RNF115: variants seen among roughly 807,000 people sequenced by gnomAD.
The protein encoded by RNF115 is ring finger protein 115.
RNF115 carries 31 observed loss-of-function variants against 39.2 expected under a neutral mutation model. The ratio of observed to expected loss-of-function variants is 0.79; its 90% CI spans 0.59 to 1.07. The LOEUF is 1.07. RNF115 is among the 50% of genes least tolerant of loss of function. The pLI is 0.00. For synonymous variants in RNF115, 124 were observed against 131.0 expected (o/e 0.95, Z 0.37); for missense variants, 384 against 381.7 (o/e 1.01, Z -0.05).
chr1:145,805,674 TACC>T (rs1466134839), intron 1 of RNF115, among the ~76,000 whole-genome samples: 11 of 152,162 alleles, frequency 7.2e-5, no homozygotes, highest in African/African-American at 2.4e-4. Flanking sequence ...TGTCAGTGGC[TACC>T]ACATGATCTA....
chr1:145,755,043 C>T (rs1361897961), intron 4 of RNF115, among the ~76,000 whole-genome samples: 9 of 151,946 alleles, frequency 5.9e-5, no homozygotes, highest in African/African-American at 1.7e-4. Context: ...GTCAGGAGTT[C>T]GAGACCAGCC....
At chr1:145,772,486 T>C (rs1280104396) in intron 3 of RNF115, 4 of 152,414 alleles carry the variant, frequency 2.6e-5, no homozygotes, top group African/African-American at 7.2e-5. Context: ...GAAGGATAGT[T>C]TTGCCAGATT....
chr1:145,768,528 C>T (rs1647488002), intron 4 of RNF115, among the ~76,000 whole-genome samples: 1 of 152,194 alleles, frequency 6.6e-6, no homozygotes, highest in African/African-American at 2.4e-5. Context: ...GTTGGCCAGG[C>T]TGATCTGGAA....
At chr1:145,788,474 G>C (rs2101568142) in intron 2 of RNF115, among the ~76,000 whole-genome samples, 1 of 152,278 alleles carries the variant, frequency 6.6e-6, no homozygotes, top group East Asian at 1.9e-4. Context: ...ACCTGATTAG[G>C]TATCTTTGTC....
intron 1 of RNF115, 46 bp downstream of exon 1, chr1:145,823,726 C>T (rs782736713): frequency 4.3e-6 from 6 of 1,390,422 alleles, no homozygotes; most frequent in Non-Finnish European, 5.9e-6. Flanking sequence ...AAATCGGGGC[C>T]AGGAATCTAT....
intron 1 of RNF115, among the ~76,000 whole-genome samples, chr1:145,814,874 T>C (rs1369264501): frequency 6.6e-6 from 1 of 152,220 alleles, no homozygotes; most frequent in Non-Finnish European, 1.5e-5. Flanking sequence ...TGGTAGCACC[T>C]ACATTTTGTA....
At chr1:145,748,177 G>C in intron 7 of RNF115, 67 bp from the exon 8 acceptor site, 1 of 1,062,544 alleles carries the variant, frequency 9.4e-7, no homozygotes, top group South Asian at 1.3e-5. Context: ...CTAACCCAAT[G>C]TCTCTACCAA....
chr1:145,791,942 A>AT (rs748173424), intron 1 of RNF115, among the ~76,000 whole-genome samples: 46 of 151,420 alleles, frequency 3.0e-4, no homozygotes, highest in African/African-American at 7.8e-4. Context: ...TTATTTATTT[A>AT]TTTTTTTGAG....
chr1:145,764,676 C>G (rs868958336), intron 4 of RNF115, among the ~76,000 whole-genome samples: 1 of 152,084 alleles, frequency 6.6e-6, no homozygotes, highest in African/African-American at 2.4e-5. Flanking sequence ...AGGAGCGTCT[C>G]TGCCCAGCAG....
chr1:145,772,459 A>G, intron 3 of RNF115: 1 of 152,434 alleles, frequency 6.6e-6, no homozygotes, highest in East Asian at 1.9e-4. Flanking sequence ...GTATGTCATG[A>G]TTTCTTCTTA....
At chr1:145,812,023 C>A (rs1649749371) in intron 1 of RNF115, among the ~76,000 whole-genome samples, 1 of 141,288 alleles carries the variant, frequency 7.1e-6, no homozygotes, top group African/African-American at 2.5e-5. Context: ...AAGAAGAGGG[C>A]ACTGAATCTG....
chr1:145,823,943 C>G lies in RNF115; in HGVS notation c.-70G>C. The G allele has an allele frequency of 8.7e-7, 1 of 1,152,364 alleles. No individual in the cohort carries two copies. The highest frequency in any genetic ancestry group is 1.2e-6 in the Non-Finnish European group (1 of 868,832). 71.4% of individuals were successfully genotyped at this position (1,152,364 alleles called of 1,614,324 possible). A position where few individuals can be genotyped will look rare whatever the true frequency, so the allele number is the denominator to read the frequency against. On this transcript the variant is annotated 5_prime_UTR_variant, in exon 1 of 9. Transcript: ENST00000582693. ...CCTCGCCAGGCCGCTACCTCCCGAGCTGCAGTCGTCGCCGCCGCCGCCGCC... is the reference window on the plus strand; with the variant it reads ...CCTCGCCAGGCCGCTACCTCCCGAGGTGCAGTCGTCGCCGCCGCCGCCGCC...
chr1:145,821,323 G>C (rs1650224755), intron 1 of RNF115, among the ~76,000 whole-genome samples: 1 of 131,240 alleles, frequency 7.6e-6, no homozygotes, highest in African/African-American at 2.6e-5. Context: ...AAAAGATCAA[G>C]AAACTTCTCC....
chr1:145,782,807 G>A (rs781934549), intron 3 of RNF115, among the ~76,000 whole-genome samples: 16 of 152,186 alleles, frequency 1.1e-4, no homozygotes, highest in Non-Finnish European at 2.1e-4. Flanking sequence ...ACACACAAGA[G>A]GAAAGAATAC....
intron 4 of RNF115, among the ~76,000 whole-genome samples, chr1:145,753,464 A>G (rs1281959262): frequency 6.6e-6 from 1 of 152,078 alleles, no homozygotes; most frequent in African/African-American, 2.4e-5. Context: ...ATAAGATATC[A>G]TTTAAAGAGT....
At position 145,740,973 on chromosome 1, in the gene RNF115, G is replaced by GACT. The variant is rs1182902319; in HGVS notation, c.*5890_*5892dup. 1 of 152,194 alleles carries GACT rather than the reference G, an allele frequency of 6.6e-6. No individual in the cohort carries two copies. The highest frequency in any genetic ancestry group is 1.5e-5 in the Non-Finnish European group (1 of 68,108). 9.4% of individuals were successfully genotyped at this position (152,194 alleles called of 1,614,324 possible). A position where few individuals can be genotyped will look rare whatever the true frequency, so the allele number is the denominator to read the frequency against. On this transcript the variant is annotated 3_prime_UTR_variant, in exon 9 of 9. Coordinates refer to ENST00000582693, the MANE Select transcript of RNF115 (RefSeq NM_014455.4). ...CCTCCTCAGCCTCCCAAGTAGCTGG[G>GACT]ACTACAGGTGCATGCCACCACACCT...
intron 3 of RNF115, among the ~76,000 whole-genome samples, chr1:145,775,745 C>A (rs1186205336): frequency 2.0e-5 from 3 of 152,016 alleles, no homozygotes; most frequent in Non-Finnish European, 4.4e-5. Context: ...ATAATCCCAG[C>A]CCTTTGAGAG....
chr1:145,771,945 AT>A (rs1559113703), intron 3 of RNF115, 26 bp from the exon 4 acceptor site: 1 of 1,582,248 alleles, frequency 6.3e-7, no homozygotes, highest in African/African-American at 1.4e-5. Flanking sequence ...AATAAGTCAC[AT>A]GTTAGAAAAA....
chr1:145,793,052 C>G (rs1396500333), intron 1 of RNF115, among the ~76,000 whole-genome samples: 1 of 152,232 alleles, frequency 6.6e-6, no homozygotes, highest in Non-Finnish European at 1.5e-5. Context: ...GGCGTGGTGG[C>G]TCACGCCTAT....
Sources: gnomAD v4.1 joint callset for allele counts (sites outside exome capture counted in the v4.1 genomes callset) on GRCh38, gnomAD v4.1.1 for gene constraint, MANE v1.5 for transcripts, NCBI Gene and HGNC (gene_info 2026-07-23, HGNC 2026-07-21) for gene names.